The following CDIN1 variants were observed in gnomAD, a reference collection of about 807,000 sequenced individuals.
CDIN1 encodes CDAN1-interacting nuclease 1.
A neutral mutation model predicts 45.3 loss-of-function variants in CDIN1; 33 were observed. The observed-to-expected ratio is 0.73, with a 90% CI of 0.55 to 0.97. The LOEUF (loss-of-function observed/expected upper bound fraction) is 0.97, where lower values mean the gene tolerates loss of function less well. Among genes scored for constraint, CDIN1 ranks in the 50% least tolerant of loss-of-function variants. The probability of loss-of-function intolerance (pLI) is 0.00; values close to 1 mark genes in which losing one functional copy is unlikely to be tolerated. For missense variants in CDIN1, 303 were observed against 339.4 expected (o/e 0.89, Z 0.84); for synonymous variants, 118 against 124.4 (o/e 0.95, Z 0.34).
chr15:36,621,529 C>T (rs1324971648), intron 1 of CDIN1, among the ~76,000 whole-genome samples: 1 of 152,076 alleles, frequency 6.6e-6, no homozygotes, highest in Non-Finnish European at 1.5e-5. Context: ...CTAGGTGAAA[C>T]ATACAATGAA....
chr15:36,669,552 A>G (rs944049403), intron 5 of CDIN1, among the ~76,000 whole-genome samples: 3 of 110,020 alleles, frequency 2.7e-5, no homozygotes, highest in African/African-American at 9.2e-5. Context: ...TTACTGTGAT[A>G]CATTTGTCAA....
intron 3 of CDIN1, 55 bp downstream of exon 3, chr15:36,645,342 T>C (rs1426184196): frequency 9.9e-6 from 13 of 1,309,414 alleles, no homozygotes; most frequent in East Asian, 2.5e-5. Flanking sequence ...ATTGTAATAA[T>C]AATTATGAAT....
chr15:36,587,100 G>A (rs1046964382), intron 1 of CDIN1, among the ~76,000 whole-genome samples: 3 of 152,088 alleles, frequency 2.0e-5, no homozygotes, highest in Admixed American at 1.3e-4. Context: ...ACCATAAATC[G>A]CTAAGCAAAT....
At chr15:36,587,195 A>G (rs1384931161) in intron 1 of CDIN1, among the ~76,000 whole-genome samples, 1 of 151,516 alleles carries the variant, frequency 6.6e-6, no homozygotes, top group Non-Finnish European at 1.5e-5. Flanking sequence ...ATTTTGAAGC[A>G]TGTTTTTTTT....
chr15:36,709,083 G>A (rs1013058357), intron 8 of CDIN1, 140 bp from the exon 9 acceptor site: 1 of 523,354 alleles, frequency 1.9e-6, no homozygotes, highest in African/African-American at 2.0e-5. Context: ...CATTATTTCT[G>A]ACACAGCACT....
intron 10 of CDIN1, among the ~76,000 whole-genome samples, chr15:36,738,114 T>A (rs2044098425): frequency 6.6e-6 from 1 of 152,120 alleles, no homozygotes. Context: ...AGCTCAACAT[T>A]TCATCCTCTT....
chr15:36,718,853 A>G (rs574770419), intron 10 of CDIN1, among the ~76,000 whole-genome samples: 3 of 137,776 alleles, frequency 2.2e-5, no homozygotes, highest in Admixed American at 7.6e-5. Flanking sequence ...CTTCATACAA[A>G]AGTGAATGGT....
chr15:36,668,770 A>T (rs1566883486), intron 5 of CDIN1, among the ~76,000 whole-genome samples: 2 of 152,058 alleles, frequency 1.3e-5, no homozygotes, highest in Non-Finnish European at 2.9e-5. Context: ...TCCCAGTTTG[A>T]TCCTATACTA....
rs1315345879 is a variant in CDIN1 at position 36,691,885 on chromosome 15, T to C, written c.426+121T>C. On this transcript the variant is annotated intron_variant, in intron 6 of 10. Transcript: ENST00000566621. ...CTATCACTGAGGTCAGGGTGCACCA[T>C]AAATGGCAATGCAGTATTTGCGAGA... 8.4e-6 allele frequency: 7 copies of C among 832,254 alleles called. No individual in the cohort carries two copies. In the Admixed American group the frequency reaches 1.7e-4, roughly 21 times the overall value. 51.6% of individuals were successfully genotyped at this position (832,254 alleles called of 1,614,324 possible).
At chr15:36,660,233 C>A (rs1033629149) in intron 5 of CDIN1, among the ~76,000 whole-genome samples, 2 of 152,114 alleles carry the variant, frequency 1.3e-5, no homozygotes, top group Non-Finnish European at 2.9e-5. Flanking sequence ...TCCATCACCC[C>A]CTTCCCTGAC....
intron 1 of CDIN1, among the ~76,000 whole-genome samples, chr15:36,600,466 G>A (rs1004057244): frequency 1.3e-5 from 2 of 152,188 alleles, no homozygotes; most frequent in African/African-American, 2.4e-5. Context: ...AATGGATGTT[G>A]AGCAAATGTC....
chr15:36,747,168 T>C (rs758910879), intron 10 of CDIN1: 1 of 393,310 alleles, frequency 2.5e-6, no homozygotes, highest in Non-Finnish European at 4.5e-6. Flanking sequence ...TTCCTCATCT[T>C]AAACAATAAG....
chr15:36,670,885 G>A (rs2041424557), intron 5 of CDIN1, among the ~76,000 whole-genome samples: 3 of 151,660 alleles, frequency 2.0e-5, no homozygotes. Context: ...TAGACTTTTA[G>A]CATTTTTATT....
intron 1 of CDIN1, among the ~76,000 whole-genome samples, chr15:36,640,919 G>A (rs2040078245): frequency 1.3e-5 from 2 of 152,188 alleles, no homozygotes; most frequent in Admixed American, 1.3e-4. Flanking sequence ...TATAACATGA[G>A]AAGAAATAGT....
intron 1 of CDIN1, among the ~76,000 whole-genome samples, chr15:36,585,102 C>T (rs2037236068): frequency 6.6e-6 from 1 of 152,106 alleles, no homozygotes; most frequent in African/African-American, 2.4e-5. Flanking sequence ...ATTTCCTGCC[C>T]AAACACTACA....
chr15:36,773,677 A>G (rs1205626113), intron 10 of CDIN1, among the ~76,000 whole-genome samples: 1 of 152,244 alleles, frequency 6.6e-6, no homozygotes, highest in Non-Finnish European at 1.5e-5. Flanking sequence ...TAGAAATGCT[A>G]AAGAACCTGG....
chr15:36,604,673 A>T (rs2038278002), intron 1 of CDIN1, among the ~76,000 whole-genome samples: 1 of 152,140 alleles, frequency 6.6e-6, no homozygotes, highest in African/African-American at 2.4e-5. Flanking sequence ...AAACTCCTTT[A>T]AAAAAAGCTT....
chr15:36,791,680 C>T (rs758110520), intron 10 of CDIN1, among the ~76,000 whole-genome samples: 3 of 152,012 alleles, frequency 2.0e-5, no homozygotes, highest in South Asian at 4.2e-4. Context: ...TGGACTCAAC[C>T]AGTTCTCATA....
Position 36,686,787 on chromosome 15 carries a change from G to T in CDIN1, c.347-4898G>T, listed in dbSNP as rs947001403. Among the ~76,000 whole-genome samples the T allele has an allele frequency of 3.5e-5, 5 of 141,594 alleles. No homozygotes were observed. The South Asian group carries it at 1.2e-3, about 35-fold the overall frequency. The allele number at this position is 141,594 out of a possible 152,430, so 92.9% of individuals were successfully genotyped here. ...AGGGATGGAGGGCAGAGGGACAGAG[G>T]GACAGACAGAAGGATGGAGGGAGGG... On this transcript the variant is annotated intron_variant, in intron 5 of 10. Coordinates refer to ENST00000566621, the MANE Select transcript of CDIN1 (RefSeq NM_001321759.2).
Sources: gnomAD v4.1 joint callset for allele counts (sites outside exome capture counted in the v4.1 genomes callset) on GRCh38, gnomAD v4.1.1 for gene constraint, MANE v1.5 for transcripts, NCBI Gene and HGNC (gene_info 2026-07-23, HGNC 2026-07-21) for gene names.